CUL9: variants seen among roughly 807,000 people sequenced by gnomAD.
The protein encoded by CUL9 is cullin-9.
In CUL9, 79 loss-of-function variants were observed where a neutral mutation model predicts 272.6. The observed-to-expected ratio is 0.29, with a 90% confidence interval of 0.24 to 0.35. CUL9 has a LOEUF of 0.35. CUL9 is among the 10% of genes least tolerant of loss of function. CUL9 has a pLI of 1.00. For missense variants in CUL9, 2,532 were observed against 3,255.6 expected (o/e 0.78, Z 5.41); for synonymous variants, 1,186 against 1,286.5 (o/e 0.92, Z 1.67).
Position 43,184,638 on chromosome 6 carries a change from G to A in CUL9, c.328G>A (p.Val110Met). The stretch of plus-strand genomic sequence containing the variant: ...TCGAGATCCAGGAGGCCTGGATGAA[G>A]TGGCAATGGGAGAGATGGAGGCTGA... ...FPRDPGGLDE[V>M]AMGEMEADVQ... is the part of the protein sequence containing the mutation. The change falls in exon 2 of 41, where the codon GTG (valine) becomes ATG (methionine). Residue 110 changes from valine (V) to methionine (M), a missense_variant. By Grantham distance (21) the Val-to-Met change is conservative. This residue lies in a region of CUL9 where 2,218 missense variants were observed against 2,788.6 expected (regional missense o/e 0.80). Coordinates refer to ENST00000252050, the MANE Select transcript of CUL9 (RefSeq NM_015089.4). The surrounding 1 kb of genome is among the most constrained non-coding windows in gnomAD (Gnocchi z 4.8). 2 of 1,611,452 alleles carry A rather than the reference G, an allele frequency of 1.2e-6. No homozygotes were observed. The highest frequency in any genetic ancestry group is 1.7e-6 in the Non-Finnish European group (2 of 1,177,746).
At chr6:43,198,229 CTG>C in intron 11 of CUL9, 1 of 984,522 alleles carries the variant, frequency 1.0e-6, no homozygotes, top group Non-Finnish European at 1.2e-6. Flanking sequence ...TGACAGCGCT[CTG>C]TGTATTCCTA....
At chr6:43,210,199 G>A (rs1353995085) in intron 26 of CUL9, among the ~76,000 whole-genome samples, 1 of 151,894 alleles carries the variant, frequency 6.6e-6, no homozygotes, top group South Asian at 2.1e-4. Context: ...GTCTGGTCTC[G>A]AACTCCTGAC....
chr6:43,187,251 C>T lies in CUL9; in HGVS notation c.1393C>T (p.Pro465Ser). 1 of 1,613,816 alleles carries T rather than the reference C, an allele frequency of 6.2e-7. No individual in the cohort carries two copies. The highest frequency in any genetic ancestry group is 1.3e-5 in the African/African-American group (1 of 75,014). Residue 465 changes from proline to serine, a missense_variant, in exon 6 of 41, where the codon CCC (proline) becomes TCC (serine). Around this residue, in one of 3 missense-constraint regions of CUL9, gnomAD observed 2,218 missense variants for 2,788.6 expected, o/e 0.80. Coordinates refer to ENST00000252050, the MANE Select transcript of CUL9 (RefSeq NM_015089.4). ...CGCCATGCCTGTGTCCTCAGCATTT[C>T]CCTCCTGGGACTGGAATCCTATGGA... ...AGATVLGTAF[P>S]SWDWNPMDGL... is the part of the protein sequence containing the mutation.
chr6:43,187,709 A>G lies in CUL9; in HGVS notation c.1582-4A>G. 1 of 1,611,448 alleles carries G rather than the reference A, an allele frequency of 6.2e-7. No individual in the cohort carries two copies. The highest frequency in any genetic ancestry group is 8.5e-7 in the Non-Finnish European group (1 of 1,179,500). ...TCTTAAACGTATACCCCTTCTGTTG[A>G]CAGACCCTGGGTGAAAAGGCCCTAG... On this transcript the variant is annotated splice_polypyrimidine_tract_variant and splice_region_variant and intron_variant, in intron 6 of 40. Transcript: ENST00000252050.
In CUL9 at chr6:43,200,948, A is replaced by C. The variant is rs1014125735; in HGVS notation, c.3647+114A>C. The stretch of plus-strand genomic sequence containing the variant: ...ATGCCTGAGGGACACACTCAAACCT[A>C]TTTTGTGCAGTGAACACATAGACAC... On this transcript the variant is annotated intron_variant, in intron 16 of 40. Transcript: ENST00000252050. This position sits in a 1 kb window ranked among gnomAD's most constrained non-coding sequence, Gnocchi z 4.0. 8.8e-5 allele frequency: 119 copies of C among 1,356,776 alleles called. No homozygotes were observed. Among genetic ancestry groups the C allele is most frequent in the Non-Finnish European group, 1.2e-4 (118 of 971,124 alleles). The allele number at this position is 1,356,776 out of a possible 1,614,324, so 84.0% of individuals were successfully genotyped here.
chr6:43,204,283 C>A (rs1357138910), intron 20 of CUL9, 77 bp from the exon 21 acceptor site: 5 of 1,537,272 alleles, frequency 3.3e-6, no homozygotes, highest in Non-Finnish European at 4.4e-6. Context: ...TACAATTGAT[C>A]TTTCTCCCTC....
Position 43,203,144 on chromosome 6 carries a change from C to T in CUL9, c.3789C>T (p.Leu1263=). ...TGCCCTCTGCCAGCCGGGTGATCCT[C>T]TTGGAGAACCTGAACCGCTTCTGGC... ...NVMPSASRVI[L]LENLNRFWPI... Residue 1263 remains leucine, a synonymous_variant, in exon 18 of 41, where the codon CTC becomes CTT. Transcript: ENST00000252050. This position sits in a 1 kb window ranked among gnomAD's most constrained non-coding sequence, Gnocchi z 5.0. 1.9e-6 allele frequency: 3 copies of T among 1,613,922 alleles called. No individual in the cohort carries two copies. Among genetic ancestry groups the T allele is most frequent in the Non-Finnish European group, 1.7e-6 (2 of 1,180,044 alleles).
chr6:43,193,709 C>T (rs1292175595), intron 9 of CUL9, among the ~76,000 whole-genome samples: 1 of 151,918 alleles, frequency 6.6e-6, no homozygotes, highest in African/African-American at 2.4e-5. Context: ...CAGCCCAGGC[C>T]AGGGTTAAGA....
At chr6:43,216,636 T>C in intron 31 of CUL9, 133 bp downstream of exon 31, 1 of 841,854 alleles carries the variant, frequency 1.2e-6, no homozygotes, top group Non-Finnish European at 1.8e-6. Context: ...AGTCTCTTAG[T>C]CCTTCTTAAA....
intron 1 of CUL9, among the ~76,000 whole-genome samples, chr6:43,182,515 C>A (rs143033117): frequency 9.9e-5 from 15 of 151,858 alleles, no homozygotes; most frequent in African/African-American, 3.4e-4. Flanking sequence ...CTCATCCATG[C>A]GTCCAGAGCT....
Position 43,188,545 on chromosome 6 carries a change from T to C in CUL9, c.2010T>C (p.Gly670=). Residue 670 remains glycine (G), a synonymous_variant, in exon 8 of 41, where the codon GGT becomes GGC. Transcript: ENST00000252050. The part of the protein sequence containing the change: ...AASEMARALR[G]PGPRSSLDQH... ...CAGAAATGGCCAGAGCCTTGCGGGG[T>C]CCCGGTCCTCGCAGCTCCCTGGATC... is the stretch of plus-strand genomic sequence containing the variant. The C allele has an allele frequency of 6.2e-7, 1 of 1,611,700 alleles. No homozygotes were observed. Among genetic ancestry groups the C allele is most frequent in the Admixed American group, 1.7e-5 (1 of 59,576 alleles).
intron 11 of CUL9, among the ~76,000 whole-genome samples, chr6:43,197,474 T>G (rs1268150521): frequency 1.3e-5 from 2 of 152,016 alleles, no homozygotes; most frequent in African/African-American, 4.8e-5. Flanking sequence ...TCTCTTTTTT[T>G]GTTTTAAGCT....
Position 43,188,734 on chromosome 6 carries a change from G to A in CUL9, c.2180+19G>A, listed in dbSNP as rs202210940. 2.5e-6 allele frequency: 4 copies of A among 1,575,464 alleles called. No individual in the cohort carries two copies. In the East Asian group the frequency reaches 6.8e-5, roughly 27 times the overall value. On this transcript the variant is annotated intron_variant, in intron 8 of 40. Transcript: ENST00000252050. ...CGCTGAGGTTAGCATACTGGGGAGG[G>A]AAGAGGTTTTGGTTGAAGCTGTAGG... is the stretch of plus-strand genomic sequence containing the variant.
chr6:43,223,751 C>G lies in CUL9; in HGVS notation c.7285-344C>G. The G allele has an allele frequency of 4.0e-6, 2 of 498,344 alleles. No individual in the cohort carries two copies. The highest frequency in any genetic ancestry group is 7.3e-6 in the Non-Finnish European group (2 of 274,776). 30.9% of individuals were successfully genotyped at this position (498,344 alleles called of 1,614,324 possible). A position where few individuals can be genotyped will look rare whatever the true frequency, so the allele number is the denominator to read the frequency against. ...CATCAGGGGATTGGGGTCACTGGAGCAAGGGCTCTCCCAGGCTCTCTCCAG... is the reference window on the plus strand; with the variant it reads ...CATCAGGGGATTGGGGTCACTGGAGGAAGGGCTCTCCCAGGCTCTCTCCAG... On this transcript the variant is annotated intron_variant, in intron 39 of 40. Coordinates refer to ENST00000252050, the MANE Select transcript of CUL9 (RefSeq NM_015089.4). This position sits in a 1 kb window ranked among gnomAD's most constrained non-coding sequence, Gnocchi z 4.1.
intron 11 of CUL9, 47 bp from the exon 12 acceptor site, chr6:43,198,562 G>A: frequency 6.2e-7 from 1 of 1,604,178 alleles, no homozygotes; most frequent in Non-Finnish European, 8.5e-7. Flanking sequence ...TGACAAACTG[G>A]TAAGACTCTT....
In CUL9 at chr6:43,202,815, C is replaced by G; in HGVS notation, c.3747C>G (p.Leu1249=). The part of the protein sequence containing the change: ...GDSTSCIGTE[L]NTVNVMPSAS... ...GCACCAGCTGCATCGGCACTGAGCTCAACACGGTGGGGACCCTTGTGCCCA... is the reference window on the plus strand; with the variant it reads ...GCACCAGCTGCATCGGCACTGAGCTGAACACGGTGGGGACCCTTGTGCCCA... The change falls in exon 17 of 41, where the codon CTC becomes CTG. Residue 1249 remains leucine, a synonymous_variant. Coordinates refer to ENST00000252050, the MANE Select transcript of CUL9 (RefSeq NM_015089.4). 1 of 1,614,012 alleles carries G rather than the reference C, an allele frequency of 6.2e-7. No homozygotes were observed. Among genetic ancestry groups the G allele is most frequent in the Non-Finnish European group, 8.5e-7 (1 of 1,179,920 alleles).
At position 43,202,833 on chromosome 6, in the gene CUL9, T is replaced by G. The variant is rs374726147; in HGVS notation, c.3753+12T>G. 76 of 1,606,206 alleles carry G rather than the reference T, an allele frequency of 4.7e-5. No homozygotes were observed. In the African/African-American group the frequency reaches 9.2e-4, roughly 19 times the overall value. On this transcript the variant is annotated intron_variant, in intron 17 of 40. Transcript: ENST00000252050. ...CTGAGCTCAACACGGTGGGGACCCT[T>G]GTGCCCACCTTCACCTTGCTCCACA...
intron 26 of CUL9, among the ~76,000 whole-genome samples, chr6:43,212,608 C>G (rs1280261141): frequency 6.6e-6 from 1 of 151,574 alleles, no homozygotes; most frequent in Non-Finnish European, 1.5e-5. Context: ...ATTATGAACT[C>G]ACAGATTTTA....
Position 43,198,751 on chromosome 6 carries a change from G to A in CUL9, c.2946G>A (p.Arg982=). 1 of 1,614,082 alleles carries A rather than the reference G, an allele frequency of 6.2e-7. No individual in the cohort carries two copies. The highest frequency in any genetic ancestry group is 8.5e-7 in the Non-Finnish European group (1 of 1,180,004). The change falls in exon 12 of 41, where the codon AGG becomes AGA. Residue 982 remains arginine (R), a synonymous_variant. Coordinates refer to ENST00000252050, the MANE Select transcript of CUL9 (RefSeq NM_015089.4). ...CREGSPGGAV[R]PLLKRLQQET... ...AGGGCAGCCCCGGAGGTGCCGTGAG[G>A]CCCCTCCTCAAGCGCCTCCAGCAGG...
Sources: gnomAD v4.1 joint callset for allele counts (sites outside exome capture counted in the v4.1 genomes callset) on GRCh38, gnomAD v4.1.1 for gene constraint, gnomAD v4.1.1 regional missense constraint, Gnocchi (gnomAD v3.1) non-coding constraint, MANE v1.5 for transcripts, NCBI Gene and HGNC (gene_info 2026-07-23, HGNC 2026-07-21) for gene names.